The following RGS6 variants were observed in gnomAD, a reference collection of about 807,000 sequenced individuals.
RGS6 encodes regulator of G protein signaling 6, also known as regulator of G-protein signaling 6.
In RGS6, 30 loss-of-function variants were observed where a neutral mutation model predicts 78.5. That is an observed-to-expected ratio of 0.38 (90% CI 0.29 to 0.52). The LOEUF (loss-of-function observed/expected upper bound fraction) is 0.52. Among genes scored for constraint, RGS6 ranks in the 20% least tolerant of loss-of-function variants. The probability of loss-of-function intolerance (pLI) is 0.85; values close to 1 mark genes in which losing one functional copy is unlikely to be tolerated. For synonymous variants in RGS6, 206 were observed against 206.0 expected (o/e 1.00, Z 0.00); for missense variants, 495 against 609.7 (o/e 0.81, Z 1.98).
intron 2 of RGS6, among the ~76,000 whole-genome samples, chr14:72,171,159 C>G (rs546439190): frequency 6.6e-6 from 1 of 151,494 alleles, no homozygotes; most frequent in East Asian, 1.9e-4. Context: ...CACATACATG[C>G]ACACGTGCTG....
At chr14:72,049,670 A>C (rs1031137614) in intron 2 of RGS6, among the ~76,000 whole-genome samples, 5 of 152,170 alleles carry the variant, frequency 3.3e-5, no homozygotes, top group African/African-American at 1.2e-4. Flanking sequence ...CCTAATGAGC[A>C]CAGTTAACAG....
chr14:71,935,225 T>C (rs1402509625), intron 1 of RGS6, among the ~76,000 whole-genome samples: 1 of 152,180 alleles, frequency 6.6e-6, no homozygotes, highest in East Asian at 1.9e-4. Flanking sequence ...CAAAAAACAA[T>C]TTTAACTTTT....
intron 2 of RGS6, among the ~76,000 whole-genome samples, chr14:72,178,676 C>T (rs1404588017): frequency 6.6e-6 from 1 of 152,192 alleles, no homozygotes; most frequent in Admixed American, 6.5e-5. Flanking sequence ...AAAAGCCCTA[C>T]TCAAGGCTGG....
intron 2 of RGS6, among the ~76,000 whole-genome samples, chr14:72,245,251 G>T (rs1456832928): frequency 6.6e-6 from 1 of 152,202 alleles, no homozygotes; most frequent in Non-Finnish European, 1.5e-5. Context: ...GCTGAGACCA[G>T]CTCAGTGGGG....
chr14:72,034,555 A>G (rs925485596), intron 2 of RGS6, among the ~76,000 whole-genome samples: 5 of 152,066 alleles, frequency 3.3e-5, no homozygotes, highest in Admixed American at 2.6e-4. Context: ...TTAATGTGCT[A>G]TTGAATTTGG....
intron 3 of RGS6, among the ~76,000 whole-genome samples, chr14:72,417,737 G>C (rs1003118535): frequency 6.6e-6 from 1 of 152,170 alleles, no homozygotes; most frequent in Non-Finnish European, 1.5e-5. Context: ...GAGTTGTTCT[G>C]GGGCTTAAAT....
intron 3 of RGS6, among the ~76,000 whole-genome samples, chr14:72,397,552 G>A (rs2091607402): frequency 1.3e-5 from 2 of 152,064 alleles, no homozygotes; most frequent in African/African-American, 2.4e-5. Context: ...TCCTTCTCCT[G>A]CCTGATTGCC....
intron 2 of RGS6, among the ~76,000 whole-genome samples, chr14:72,111,274 G>T (rs891399262): frequency 6.6e-6 from 1 of 152,106 alleles, no homozygotes; most frequent in Non-Finnish European, 1.5e-5. Context: ...ATGGAAAAAA[G>T]GCACTAAAGT....
At chr14:72,476,451 A>G (rs928102774) in intron 10 of RGS6, among the ~76,000 whole-genome samples, 3 of 152,236 alleles carry the variant, frequency 2.0e-5, no homozygotes, top group Non-Finnish European at 4.4e-5. Flanking sequence ...AAGCACACCC[A>G]GGTGATTCTT....
intron 2 of RGS6, among the ~76,000 whole-genome samples, chr14:72,131,950 C>T (rs147278570): frequency 2.0e-5 from 3 of 152,282 alleles, no homozygotes; most frequent in Non-Finnish European, 4.4e-5. Flanking sequence ...CAGCAAAATC[C>T]TAGGCGATCT....
intron 4 of RGS6, among the ~76,000 whole-genome samples, chr14:72,457,578 C>A (rs1049545112): frequency 6.6e-6 from 1 of 152,086 alleles, no homozygotes; most frequent in African/African-American, 2.4e-5. Context: ...CCACCATGCC[C>A]GACCTATATT....
At chr14:71,944,236 A>G (rs867638826) in intron 1 of RGS6, among the ~76,000 whole-genome samples, 19 of 152,224 alleles carry the variant, frequency 1.2e-4, no homozygotes, top group African/African-American at 3.9e-4. Flanking sequence ...ATCTTACAAA[A>G]TAACAATCAG....
rs541166532 is a variant in RGS6 at position 72,101,383 on chromosome 14, C to T, written c.84+136508C>T. Among the ~76,000 whole-genome samples, 155 of 152,212 alleles carry T rather than the reference C, an allele frequency of 1.0e-3. 1 individual carries two copies. Among genetic ancestry groups the T allele is most frequent in the Non-Finnish European group, 1.7e-3 (114 of 68,020 alleles). ...AAAGTAAGCATTGATGTGTTCACCTCTGTGTTCCTAGTACCAGAACTGTGC... is the reference window on the plus strand; with the variant it reads ...AAAGTAAGCATTGATGTGTTCACCTTTGTGTTCCTAGTACCAGAACTGTGC... On this transcript the variant is annotated intron_variant, in intron 2 of 17. Coordinates refer to ENST00000553525, the MANE Select transcript of RGS6 (RefSeq NM_001204424.2).
chr14:72,606,178 G>A, the RGS6 span, among the ~76,000 whole-genome samples: 1 of 152,126 alleles, frequency 6.6e-6, no homozygotes, highest in African/African-American at 2.4e-5. Context: ...GCACTGCATG[G>A]AAACACACTT....
intron 2 of RGS6, among the ~76,000 whole-genome samples, chr14:72,029,370 T>C (rs1051236199): frequency 6.6e-6 from 1 of 152,264 alleles, no homozygotes; most frequent in Non-Finnish European, 1.5e-5. Context: ...TTTTGATGCA[T>C]CAGACTCTGT....
chr14:72,472,661 A>G (rs2096116116), intron 8 of RGS6, among the ~76,000 whole-genome samples: 1 of 152,146 alleles, frequency 6.6e-6, no homozygotes, highest in African/African-American at 2.4e-5. Context: ...GCCTAAAACA[A>G]GTTCTCTTAC....
rs2096124129 is a variant in RGS6, at chr14:72,472,867, T to A, written c.537-5T>A. The A allele has an allele frequency of 6.2e-7, 1 of 1,604,080 alleles. No homozygotes were observed. The highest frequency in any genetic ancestry group is 1.3e-5 in the African/African-American group (1 of 74,364). On this transcript the variant is annotated splice_region_variant and splice_polypyrimidine_tract_variant and intron_variant, in intron 8 of 17. Coordinates refer to ENST00000553525, the MANE Select transcript of RGS6 (RefSeq NM_001204424.2). ...CTTATTTCCTTCCTCTCTTTACTCTTTCAGGATTGACCGGAAAAAAGACAA... is the reference window on the plus strand; with the variant it reads ...CTTATTTCCTTCCTCTCTTTACTCTATCAGGATTGACCGGAAAAAAGACAA...
chr14:71,926,642 A>G, the RGS6 span, among the ~76,000 whole-genome samples: 1 of 151,950 alleles, frequency 6.6e-6, no homozygotes, highest in Non-Finnish European at 1.5e-5. Context: ...AGGACTTGTA[A>G]GAGGGTTGAC....
chr14:72,277,480 C>T (rs574094336), intron 2 of RGS6, among the ~76,000 whole-genome samples: 4 of 152,038 alleles, frequency 2.6e-5, no homozygotes, highest in Non-Finnish European at 5.9e-5. Flanking sequence ...GCCTGTAATC[C>T]CATCTCCTCA....
Sources: gnomAD v4.1 joint callset for allele counts (sites outside exome capture counted in the v4.1 genomes callset) on GRCh38, gnomAD v4.1.1 for gene constraint, MANE v1.5 for transcripts, NCBI Gene and HGNC (gene_info 2026-07-23, HGNC 2026-07-21) for gene names.